Variants in CLEC18C observed in about 807,000 individuals in gnomAD.
The protein encoded by CLEC18C is C-type lectin domain family 18 member C.
Under a neutral mutation model 27.2 loss-of-function variants are expected in CLEC18C, and 2 were observed. That is an observed-to-expected ratio of 0.07 (90% CI 0.03 to 0.23). CLEC18C has a LOEUF of 0.23. Ranked by LOEUF, CLEC18C falls within the 10% of genes least tolerant of loss-of-function variation. CLEC18C has a pLI of 1.00. For synonymous variants in CLEC18C, 13 were observed against 112.8 expected (o/e 0.12, Z 5.61); for missense variants, 31 against 269.0 (o/e 0.12, Z 6.19).
rs1224580332 is a variant in CLEC18C, at chr16:70,174,163, T to C, written c.-106-10T>C. ...TACTCACTCACCAGCCTCCCTCTTT[T>C]GTCCACCAGCCCAGCCTGACTCCTG... On this transcript the variant is annotated splice_polypyrimidine_tract_variant and intron_variant, in intron 1 of 12. Transcript: ENST00000541793. The C allele has an allele frequency of 1.9e-5, 19 of 1,015,638 alleles. 4 individuals are homozygous for C. In the South Asian group the frequency reaches 2.8e-4, roughly 15 times the overall value. 62.9% of individuals were successfully genotyped at this position (1,015,638 alleles called of 1,614,324 possible).
Position 70,185,942 on chromosome 16 carries a change from C to T in CLEC18C, c.1269C>T (p.Arg423=). The T allele has an allele frequency of 6.3e-7, 1 of 1,594,440 alleles. No individual in the cohort carries two copies. The highest frequency in any genetic ancestry group is 8.5e-7 in the Non-Finnish European group (1 of 1,178,210). The part of the protein sequence containing the change: ...ASAAFNWNNQ[R]CKTRNRYICQ... ...CTGCCTTCAACTGGAACAACCAGCG[C>T]TGCAAAACCCGAAACCGTTACATCT... The change falls in exon 12 of 13, where the codon CGC becomes CGT. Residue 423 remains arginine, a synonymous_variant. Transcript: ENST00000541793.
chr16:70,179,681 C>T (rs1324788079), intron 4 of CLEC18C, among the ~76,000 whole-genome samples: 2 of 146,208 alleles, frequency 1.4e-5, no homozygotes, highest in African/African-American at 5.1e-5. Flanking sequence ...GAGTCTTGCT[C>T]TGTTGCCCAG....
chr16:70,176,910 AAC>A (rs1968307384), intron 3 of CLEC18C, among the ~76,000 whole-genome samples: 1 of 113,376 alleles, frequency 8.8e-6, no homozygotes, highest in African/African-American at 4.4e-5. Context: ...CCAGGGCCCA[AAC>A]ACAGAACCAG....
At chr16:70,179,240 G>A (rs1484037357) in intron 4 of CLEC18C, among the ~76,000 whole-genome samples, 8 of 135,404 alleles carry the variant, frequency 5.9e-5, no homozygotes, top group African/African-American at 1.7e-4. Context: ...CCCACTTCCC[G>A]AAGATCTTCT....
chr16:70,175,891 C>G, intron 3 of CLEC18C, among the ~76,000 whole-genome samples: 1 of 122,672 alleles, frequency 8.2e-6, no homozygotes, highest in Non-Finnish European at 1.7e-5. Flanking sequence ...AGGCTCAGAC[C>G]CTGGGCAACC....
chr16:70,179,301 G>A (rs1308292496), intron 4 of CLEC18C, among the ~76,000 whole-genome samples: 4 of 134,510 alleles, frequency 3.0e-5, no homozygotes, highest in Non-Finnish European at 4.9e-5. Flanking sequence ...GCTCTGTCGC[G>A]CAGGCTACTG....
chr16:70,176,494 GAC>G (rs1390725494), intron 3 of CLEC18C, among the ~76,000 whole-genome samples: 1 of 150,666 alleles, frequency 6.6e-6, no homozygotes, highest in Non-Finnish European at 1.5e-5. Flanking sequence ...CTGGGAGGCT[GAC>G]ACAAGCAGAT....
At chr16:70,179,260 A>ATTT (rs369628252) in intron 4 of CLEC18C, among the ~76,000 whole-genome samples, 7 of 101,692 alleles carry the variant, frequency 6.9e-5, no homozygotes, top group African/African-American at 2.2e-4. Context: ...TGGCTCCTTA[A>ATTT]TTTTTTTTTT....
chr16:70,179,356 T>G, intron 4 of CLEC18C, among the ~76,000 whole-genome samples: 1 of 115,724 alleles, frequency 8.6e-6, no homozygotes, highest in Non-Finnish European at 1.8e-5. Context: ...GCCTCCTGGG[T>G]TCACACCATT....
At position 70,178,369 on chromosome 16, in the gene CLEC18C, G is replaced by T. The variant is rs985944337; in HGVS notation, c.456+889G>T. On this transcript the variant is annotated intron_variant, in intron 4 of 12. Transcript: ENST00000541793. ...CCTCCCAGATTCAGGTGACTGTCCT[G>T]CCTCAGCCTCCCAAGTAGCTAGGAC... Among the ~76,000 whole-genome samples the T allele has an allele frequency of 1.5e-5, 2 of 135,090 alleles. 1 individual carries two copies. The highest frequency in any genetic ancestry group is 3.2e-5 in the Non-Finnish European group (2 of 62,128). 88.6% of individuals were successfully genotyped at this position (135,090 alleles called of 152,430 possible).
chr16:70,181,638 A>AAAATAAAT (rs1478480583), intron 4 of CLEC18C, among the ~76,000 whole-genome samples: 2 of 9,814 alleles, frequency 2.0e-4, no homozygotes, highest in East Asian at 9.1e-3. Flanking sequence ...CTCCATCTCA[A>AAAATAAAT]AAATAAATAA....
chr16:70,186,872 G>T lies in CLEC18C; in HGVS notation c.*352G>T, dbSNP rs1278240145. On this transcript the variant is annotated 3_prime_UTR_variant, in exon 13 of 13. Transcript: ENST00000541793. ...TTCCCTGTGGCATGAACCCCACAGG[G>T]TATTAAATTATGAATCAGCTGAACC... 1.7e-5 allele frequency: 5 copies of T among 291,224 alleles called. 1 individual carries two copies. In the East Asian group the frequency reaches 2.0e-4, roughly 12 times the overall value. 18.0% of individuals were successfully genotyped at this position (291,224 alleles called of 1,614,324 possible). A position where few individuals can be genotyped will look rare whatever the true frequency, so the allele number is the denominator to read the frequency against.
chr16:70,177,368 C>A lies in CLEC18C; in HGVS notation c.344C>A (p.Ala115Glu). The A allele has an allele frequency of 6.2e-7, 1 of 1,612,300 alleles. No homozygotes were observed. Among genetic ancestry groups the A allele is most frequent in the South Asian group, 1.1e-5 (1 of 91,024 alleles). ...QVGWNMQLLP[A>E]GLASFVEVVS... The stretch of plus-strand genomic sequence containing the variant: ...GGCTGGAACATGCAGCTGCTGCCCG[C>A]GGGCTTGGCGTCCTTTGTTGAAGTG... Residue 115 changes from alanine (A) to glutamate (E), a missense_variant, in exon 4 of 13, where the codon GCG becomes GAG. Ala to Glu is a moderately radical substitution (Grantham distance 107). Coordinates refer to ENST00000541793, the MANE Select transcript of CLEC18C (RefSeq NM_173619.4).
chr16:70,179,428 T>G (rs2152138074), intron 4 of CLEC18C, among the ~76,000 whole-genome samples: 1 of 87,490 alleles, frequency 1.1e-5, no homozygotes, highest in East Asian at 3.1e-4. Flanking sequence ...CCCGGTTATT[T>G]TTTTGTATTT....
At chr16:70,179,520 C>A (rs1968394951) in intron 4 of CLEC18C, among the ~76,000 whole-genome samples, 1 of 145,696 alleles carries the variant, frequency 6.9e-6, no homozygotes, top group African/African-American at 2.6e-5. Flanking sequence ...CCTCGGCCTC[C>A]CAGAGTGCTG....
intron 3 of CLEC18C, among the ~76,000 whole-genome samples, chr16:70,175,556 C>T (rs1334037615): frequency 1.5e-5 from 2 of 131,096 alleles, no homozygotes; most frequent in South Asian, 2.2e-4. Context: ...CAGCAGGGGC[C>T]GGGGGTCGGG....
rs1169584953 is a variant in CLEC18C, at chr16:70,176,469, T to A, written c.217-772T>A. 2.7e-5 allele frequency among the ~76,000 whole-genome samples: 4 copies of A among 149,746 alleles called. No individual in the cohort carries two copies. In the East Asian group the frequency reaches 6.0e-4, roughly 23 times the overall value. ...GGGGCTGGGCACGGTGGCTCACACC[T>A]GTAATCCCAGCACTCTGGGAGGCTG... is the stretch of plus-strand genomic sequence containing the variant. On this transcript the variant is annotated intron_variant, in intron 3 of 12. Transcript: ENST00000541793.
chr16:70,175,206 G>T (rs1444764474), intron 3 of CLEC18C, among the ~76,000 whole-genome samples, 168 bp downstream of exon 3: 2 of 100,544 alleles, frequency 2.0e-5, no homozygotes, highest in Non-Finnish European at 3.9e-5. Flanking sequence ...GTTGCTGGGG[G>T]TCTCTGCAGT....
rs1376388764 is a variant in CLEC18C at position 70,186,078 on chromosome 16, G to A, written c.1303+102G>A. 7 of 1,364,536 alleles carry A rather than the reference G, an allele frequency of 5.1e-6. No homozygotes were observed. The Admixed American group carries it at 1.3e-4, about 26-fold the overall frequency. 84.5% of individuals were successfully genotyped at this position (1,364,536 alleles called of 1,614,324 possible). ...GTATCTAGGTGGCAGGTTCAGAGTG[G>A]GTCTGGGCACACGGGGCCATAGAGG... is the stretch of plus-strand genomic sequence containing the variant. On this transcript the variant is annotated intron_variant, in intron 12 of 12. Transcript: ENST00000541793.
Sources: gnomAD v4.1 joint callset for allele counts (sites outside exome capture counted in the v4.1 genomes callset) on GRCh38, gnomAD v4.1.1 for gene constraint, MANE v1.5 for transcripts, NCBI Gene and HGNC (gene_info 2026-07-23, HGNC 2026-07-21) for gene names.